OOSP4B: variants seen among roughly 807,000 people sequenced by gnomAD.
OOSP4B encodes oocyte-secreted protein 4B.
At chr11:60,019,203 A>G (rs1301339212) in intron 1 of OOSP4B, among the ~76,000 whole-genome samples, 3 of 152,004 alleles carry the variant, frequency 2.0e-5, no homozygotes, top group African/African-American at 7.3e-5. Flanking sequence ...AGCCTGGGCG[A>G]CAGAGCGAGA....
chr11:60,025,326 T>A (rs549721818), intron 3 of OOSP4B, among the ~76,000 whole-genome samples: 24 of 152,310 alleles, frequency 1.6e-4, no homozygotes, highest in Non-Finnish European at 3.2e-4. Context: ...GATCAATAAT[T>A]TACTTGAAGA....
At chr11:60,023,444 C>CT (rs1854714066) in intron 1 of OOSP4B, among the ~76,000 whole-genome samples, 1 of 151,886 alleles carries the variant, frequency 6.6e-6, no homozygotes, top group Non-Finnish European at 1.5e-5. Context: ...ATTTTAATGT[C>CT]TTTTTTTGAG....
chr11:60,020,351 C>G lies in OOSP4B; in HGVS notation c.22+2938C>G, dbSNP rs572331632. On this transcript the variant is annotated intron_variant, in intron 1 of 4. Coordinates refer to ENST00000642343, the Ensembl canonical transcript of OOSP4B. Reference sequence around the variant, plus strand: ...AGGCTCCTGCCGCTGCAGGAGCCCACGGTGGGGGAGGAGGCTCAGGCATGG... The same window carrying G: ...AGGCTCCTGCCGCTGCAGGAGCCCAGGGTGGGGGAGGAGGCTCAGGCATGG... Among the ~76,000 whole-genome samples the G allele has an allele frequency of 2.6e-5, 4 of 152,226 alleles. No homozygotes were observed. In the East Asian group the frequency reaches 5.8e-4, roughly 22 times the overall value.
chr11:60,023,904 A>C, exon 2 of OOSP4B: 1 of 398,402 alleles, frequency 2.5e-6, no homozygotes, highest in Non-Finnish European at 4.4e-6. Context: ...TGCTCTGATG[A>C]TTGGTTGTTA....
At chr11:60,025,858 G>A (rs1368484443) in intron 3 of OOSP4B, among the ~76,000 whole-genome samples, 2 of 152,134 alleles carry the variant, frequency 1.3e-5, no homozygotes, top group Non-Finnish European at 2.9e-5. Context: ...ACTAATACGA[G>A]GAATGTATGG....
rs544521853 is a variant in OOSP4B at position 60,024,438 on chromosome 11, G to T, written c.204+377G>T. Among the ~76,000 whole-genome samples, 15 of 152,300 alleles carry T rather than the reference G, an allele frequency of 9.8e-5. No individual in the cohort carries two copies. In the South Asian group the frequency reaches 3.1e-3, roughly 32 times the overall value. ...ACCTGTAATCCCAGCTATTTGGGAGGCTGAGGCAGGAGAATCACTTGAACC... is the reference window on the plus strand; with the variant it reads ...ACCTGTAATCCCAGCTATTTGGGAGTCTGAGGCAGGAGAATCACTTGAACC... On this transcript the variant is annotated intron_variant, in intron 2 of 4. Coordinates refer to ENST00000642343, the Ensembl canonical transcript of OOSP4B.
chr11:60,030,764 T>TTTAGGA (rs1393017861), intron 4 of OOSP4B, 38 bp from the exon 5 acceptor site: 7 of 398,192 alleles, frequency 1.8e-5, no homozygotes, highest in African/African-American at 1.4e-4. Context: ...AGGTTATATT[T>TTTAGGA]AAGCAGCTCT....
At chr11:60,023,022 A>G (rs1328043944) in intron 1 of OOSP4B, among the ~76,000 whole-genome samples, 2 of 152,228 alleles carry the variant, frequency 1.3e-5, no homozygotes, top group African/African-American at 4.8e-5. Flanking sequence ...TTTTACCTTA[A>G]TAAACATTAA....
rs1214409919 is a variant in OOSP4B at position 60,021,833 on chromosome 11, A to AG, written c.23-2047_23-2046insG. Among the ~76,000 whole-genome samples, 3 of 151,952 alleles carry AG rather than the reference A, an allele frequency of 2.0e-5. No individual in the cohort carries two copies. In the East Asian group the frequency reaches 5.8e-4, roughly 29 times the overall value. On this transcript the variant is annotated intron_variant, in intron 1 of 4. Transcript: ENST00000642343. ...ACCCTGTCTCTGCTAAAAATACAAA[A>AG]AGTAGCTGGGTGTGGTGGCACATGC...
chr11:60,030,604 C>T (rs562528859), intron 4 of OOSP4B, among the ~76,000 whole-genome samples, 198 bp from the exon 5 acceptor site: 2 of 152,182 alleles, frequency 1.3e-5, no homozygotes, highest in African/African-American at 4.8e-5. Flanking sequence ...AGATGCTAAT[C>T]ACTTCTAATA....
intron 2 of OOSP4B, 39 bp downstream of exon 2, chr11:60,024,100 A>AT (rs1034866272): frequency 1.7e-4 from 67 of 395,244 alleles, no homozygotes; most frequent in Non-Finnish European, 2.4e-4. Flanking sequence ...CATATACTGA[A>AT]TTTTTTTTTC....
At chr11:60,019,505 G>C (rs764015194) in intron 1 of OOSP4B, 1 of 156,410 alleles carries the variant, frequency 6.4e-6, no homozygotes, top group African/African-American at 2.4e-5. Flanking sequence ...CTGATGTTCG[G>C]ATGTGTTCGG....
chr11:60,030,990 A>G (rs895873064), exon 5 of OOSP4B: 16 of 394,078 alleles, frequency 4.1e-5, no homozygotes, highest in Non-Finnish European at 2.7e-5. Context: ...TTTGAATAAC[A>G]TATCTATACC....
intron 3 of OOSP4B, among the ~76,000 whole-genome samples, chr11:60,028,219 G>T (rs1424438098): frequency 6.6e-6 from 1 of 151,290 alleles, no homozygotes; most frequent in East Asian, 2.0e-4. Context: ...AGGCGGGAGT[G>T]CAGTGGTGCG....
chr11:60,026,683 G>A (rs79870183), intron 3 of OOSP4B, among the ~76,000 whole-genome samples: 2,916 of 152,198 alleles, frequency 0.019, 98 homozygotes, highest in African/African-American at 0.066. Flanking sequence ...TTCAAACTTC[G>A]CCAGTCATCT....
At chr11:60,023,708 AC>A (rs1854717342) in intron 1 of OOSP4B, among the ~76,000 whole-genome samples, 171 bp from the exon 2 acceptor site, 2 of 152,210 alleles carry the variant, frequency 1.3e-5, no homozygotes, top group South Asian at 4.1e-4. Context: ...TGCTGGGATT[AC>A]AGGCATGAGC....
intron 3 of OOSP4B, among the ~76,000 whole-genome samples, chr11:60,025,570 A>G (rs914799619): frequency 1.3e-5 from 2 of 152,150 alleles, no homozygotes; most frequent in African/African-American, 4.8e-5. Context: ...TTTCAGCAGA[A>G]TGTTTGAAAC....
intron 2 of OOSP4B, among the ~76,000 whole-genome samples, chr11:60,024,432 TG>T (rs2134626200): frequency 6.6e-6 from 1 of 152,194 alleles, no homozygotes; most frequent in Admixed American, 6.5e-5. Flanking sequence ...CCCAGCTATT[TG>T]GGAGGCTGAG....
At chr11:60,029,057 C>T (rs1854776619) in intron 3 of OOSP4B, among the ~76,000 whole-genome samples, 1 of 152,174 alleles carries the variant, frequency 6.6e-6, no homozygotes, top group Non-Finnish European at 1.5e-5. Flanking sequence ...ATTCGCAGTC[C>T]ATTTTTCTCC....
Sources: allele counts gnomAD v4.1 joint callset (sites outside exome capture counted in the v4.1 genomes callset), GRCh38; gene constraint gnomAD v4.1.1; transcripts MANE v1.5; gene names NCBI Gene and HGNC (gene_info 2026-07-23, HGNC 2026-07-21).